Variants in SOS1 observed in about 807,000 individuals in gnomAD.
The protein encoded by SOS1 is SOS Ras/Rac guanine nucleotide exchange factor 1, also known as son of sevenless homolog 1.
SOS1 carries 25 observed loss-of-function variants against 157.6 expected under a neutral mutation model. That is an observed-to-expected ratio of 0.16 (90% CI 0.12 to 0.22). The LOEUF (loss-of-function observed/expected upper bound fraction) is 0.22, where lower values mean the gene tolerates loss of function less well. SOS1 is among the 10% of genes least tolerant of loss of function. The probability of loss-of-function intolerance (pLI) is 1.00; values close to 1 mark genes in which losing one functional copy is unlikely to be tolerated. For synonymous variants in SOS1, 528 were observed against 534.0 expected, an observed-to-expected ratio of 0.99 and a Z score of 0.16; for missense variants, 1,237 against 1,599.1, an observed-to-expected ratio of 0.77 and a Z score of 3.86.
intron 1 of SOS1, among the ~76,000 whole-genome samples, chr2:39,110,518 C>G (rs1322604767): frequency 6.6e-6 from 1 of 151,790 alleles, no homozygotes; most frequent in African/African-American, 2.4e-5. Flanking sequence ...GGCATACTGC[C>G]TATGGCACAG....
chr2:39,053,606 A>C (rs1462843011), intron 5 of SOS1, among the ~76,000 whole-genome samples: 1 of 152,114 alleles, frequency 6.6e-6, no homozygotes, highest in African/African-American at 2.4e-5. Flanking sequence ...GCTTGAGCCC[A>C]ATCCCAGCCT....
At chr2:39,055,159 C>T (rs988687705) in intron 4 of SOS1, among the ~76,000 whole-genome samples, 1 of 152,168 alleles carries the variant, frequency 6.6e-6, no homozygotes, top group Non-Finnish European at 1.5e-5. Context: ...GCCATCATCA[C>T]TTTATTCCAT....
intron 1 of SOS1, among the ~76,000 whole-genome samples, chr2:39,110,039 C>CGTGTGTGTGTGTGTGTGTGT (rs779110307): frequency 1.5e-5 from 2 of 135,510 alleles, no homozygotes; most frequent in Non-Finnish European, 3.1e-5. Context: ...TGTGTGTGTG[C>CGTGTGTGTGTGTGTGTGTGT]GTGTGTGTGT....
upstream of SOS1, among the ~76,000 whole-genome samples, chr2:39,123,894 C>T (rs779197459): frequency 1.2e-4 from 18 of 152,216 alleles, no homozygotes; most frequent in Admixed American, 3.3e-4. Context: ...ATGTTGACCT[C>T]TAAGATCCCC....
At chr2:39,122,675 A>G (rs1177650353), upstream of SOS1, among the ~76,000 whole-genome samples, 3 of 152,168 alleles carry the variant, frequency 2.0e-5, no homozygotes, top group Admixed American at 6.5e-5. Flanking sequence ...GTGGAATGAA[A>G]GCTGGAATTA....
At chr2:38,995,638 TTTG>T (rs1307230894) in intron 19 of SOS1, among the ~76,000 whole-genome samples, 4 of 152,204 alleles carry the variant, frequency 2.6e-5, no homozygotes, top group Admixed American at 2.6e-4. Flanking sequence ...TACTAGAGTA[TTTG>T]TTATTTTAAT....
chr2:39,005,761 G>A (rs908751489), intron 17 of SOS1, among the ~76,000 whole-genome samples: 6 of 145,512 alleles, frequency 4.1e-5, no homozygotes, highest in African/African-American at 8.1e-5. Context: ...AGAGACTATA[G>A]AGAGATCATA....
rs912125157 is a variant in SOS1 at position 38,983,893 on chromosome 2, A to G, written c.*1931T>C. 2 of 152,178 alleles carry G rather than the reference A, an allele frequency of 1.3e-5. No homozygotes were observed. Among genetic ancestry groups the G allele is most frequent in the Admixed American group, 6.5e-5 (1 of 15,268 alleles). 9.4% of individuals were successfully genotyped at this position (152,178 alleles called of 1,614,324 possible). The stretch of plus-strand genomic sequence containing the variant: ...TTTTAGGACGCTTTTCAAAGAGGAA[A>G]TATTTTATAAAGAGAAGAATGGCTA... On this transcript the variant is annotated 3_prime_UTR_variant, in exon 23 of 23. Transcript: ENST00000402219.
chr2:38,983,968 TAAATA>T lies in SOS1; in HGVS notation c.*1851_*1855del, dbSNP rs920914155. On this transcript the variant is annotated 3_prime_UTR_variant, in exon 23 of 23. Coordinates refer to ENST00000402219, the MANE Select transcript of SOS1 (RefSeq NM_005633.4). Reference sequence around the variant, plus strand: ...TGAGAAAGGATTCAATTCTAACAAATAAATAAGAAAATAGGATAGACTGCTTAATG... The same window carrying T: ...TGAGAAAGGATTCAATTCTAACAAATAGAAAATAGGATAGACTGCTTAATG... 1.6e-4 allele frequency: 25 copies of T among 152,062 alleles called. No individual in the cohort carries two copies. Among genetic ancestry groups the T allele is most frequent in the African/African-American group, 5.8e-4 (24 of 41,426 alleles). 9.4% of individuals were successfully genotyped at this position (152,062 alleles called of 1,614,324 possible).
rs1437930383 is a variant in SOS1 at position 39,120,839 on chromosome 2, C to A, written c.-417G>T. ...GAGGACGTGTGGAGGGACGCTCCGG[C>A]CGCGGCGCCCGCTCCGCGTAGTTGG... On this transcript the variant is annotated 5_prime_UTR_variant, in exon 1 of 23. Coordinates refer to ENST00000402219, the MANE Select transcript of SOS1 (RefSeq NM_005633.4). 6.6e-6 allele frequency among the ~76,000 whole-genome samples: 1 copy of A among 151,240 alleles called. No homozygotes were observed. Among genetic ancestry groups the A allele is most frequent in the Admixed American group, 6.6e-5 (1 of 15,208 alleles).
chr2:39,098,538 A>T (rs968502449), intron 1 of SOS1: 1 of 152,386 alleles, frequency 6.6e-6, no homozygotes, highest in Non-Finnish European at 1.5e-5. Flanking sequence ...TTCACTTCAC[A>T]TAATGGGAAA....
At chr2:39,037,484 A>G (rs577452550) in intron 6 of SOS1, among the ~76,000 whole-genome samples, 1 of 152,314 alleles carries the variant, frequency 6.6e-6, no homozygotes, top group East Asian at 1.9e-4. Context: ...GTTTTCTCTA[A>G]TCCATTCTCC....
chr2:39,015,350 TAC>T (rs913912569), intron 10 of SOS1, among the ~76,000 whole-genome samples: 4 of 152,034 alleles, frequency 2.6e-5, no homozygotes, highest in Non-Finnish European at 5.9e-5. Context: ...TAAAGTTAAA[TAC>T]AGTTTTTAAA....
intron 4 of SOS1, among the ~76,000 whole-genome samples, chr2:39,055,209 T>C (rs1261669868): frequency 2.0e-5 from 3 of 152,184 alleles, no homozygotes; most frequent in Non-Finnish European, 4.4e-5. Flanking sequence ...TAGCTGTCTA[T>C]TCGGCCGATT....
rs377701553 is a variant in SOS1 at position 39,113,020 on chromosome 2, G to C, written c.87+7316C>G. On this transcript the variant is annotated intron_variant, in intron 1 of 22. Coordinates refer to ENST00000402219, the MANE Select transcript of SOS1 (RefSeq NM_005633.4). The stretch of plus-strand genomic sequence containing the variant: ...CACTGCACTCCAGCCTGGGCGACAA[G>C]AGCAAGACTCTGTCTCAAAAAAAAA... Among the ~76,000 whole-genome samples the C allele has an allele frequency of 1.8e-3, 272 of 151,144 alleles. 1 individual carries two copies. The South Asian group carries it at 0.036, about 20-fold the overall frequency.
upstream of SOS1, among the ~76,000 whole-genome samples, chr2:39,123,824 G>C (rs1004289475): frequency 6.6e-6 from 1 of 152,202 alleles, no homozygotes; most frequent in Admixed American, 6.5e-5. Context: ...GAAAACGGGC[G>C]ATTTTCGGGG....
rs535222827 is a variant in SOS1 at position 39,003,704 on chromosome 2, TC to T, written c.2791+2707del. Among the ~76,000 whole-genome samples, 466 of 150,320 alleles carry T rather than the reference TC, an allele frequency of 3.1e-3. 1 individual carries two copies. The highest frequency in any genetic ancestry group is 0.011 in the African/African-American group (439 of 40,772). ...ATTGTTCCAGTTACATTTGGGGGCA[TC>T]CCCCCCCACTCAAACTTATAAAGTT... On this transcript the variant is annotated intron_variant, in intron 17 of 22. Transcript: ENST00000402219.
At chr2:39,016,266 T>C (rs966225262) in intron 10 of SOS1, among the ~76,000 whole-genome samples, 10 of 152,074 alleles carry the variant, frequency 6.6e-5, no homozygotes, top group South Asian at 2.1e-4. Context: ...AGAATAAAAA[T>C]ACATTGGTTT....
chr2:39,121,978 T>A (rs1673907684), upstream of SOS1, among the ~76,000 whole-genome samples: 1 of 152,164 alleles, frequency 6.6e-6, no homozygotes, highest in South Asian at 2.1e-4. Flanking sequence ...AAGAAGGCAG[T>A]TTAGAGGAAC....
Sources: gnomAD v4.1 joint callset for allele counts (sites outside exome capture counted in the v4.1 genomes callset) on GRCh38, gnomAD v4.1.1 for gene constraint, MANE v1.5 for transcripts, NCBI Gene and HGNC (gene_info 2026-07-23, HGNC 2026-07-21) for gene names.